Variants in CAB39 observed in about 807,000 individuals in gnomAD.
CAB39 encodes calcium binding protein 39, also known as calcium-binding protein 39.
CAB39 carries 8 observed loss-of-function variants against 40.0 expected under a neutral mutation model. The ratio of observed to expected loss-of-function variants is 0.20; its 90% CI spans 0.12 to 0.36. The LOEUF (loss-of-function observed/expected upper bound fraction) is 0.36, where lower values mean the gene tolerates loss of function less well. CAB39 is among the 10% of genes least tolerant of loss of function. The pLI, the probability that CAB39 is intolerant of heterozygous loss-of-function variation, is 1.00. For synonymous variants in CAB39, 156 were observed against 141.6 expected, an observed-to-expected ratio of 1.10 and a Z score of -0.72; for missense variants, 270 against 401.1, an observed-to-expected ratio of 0.67 and a Z score of 2.79.
chr2:230,795,737 C>T lies in CAB39; in HGVS notation c.398+2406C>T, dbSNP rs181695511. 8.5e-5 allele frequency among the ~76,000 whole-genome samples: 13 copies of T among 152,256 alleles called. No homozygotes were observed. The East Asian group carries it at 2.3e-3, about 27-fold the overall frequency. ...GATTCAGAATGGCAGTTTCCTGATT[C>T]TGTTATTTCTTCTTCATATAATTAA... On this transcript the variant is annotated intron_variant, in intron 4 of 8. Coordinates refer to ENST00000258418, the MANE Select transcript of CAB39 (RefSeq NM_016289.4).
chr2:230,766,246 T>C (rs1483159606), intron 2 of CAB39, among the ~76,000 whole-genome samples: 2 of 152,056 alleles, frequency 1.3e-5, no homozygotes, highest in Admixed American at 1.3e-4. Flanking sequence ...TTCTAATCAA[T>C]GCATAAAGAA....
Position 230,791,050 on chromosome 2 carries a change from T to G in CAB39, c.279+14T>G, listed in dbSNP as rs1303337794. ...ATTGACTTTGAGGTAAGAAATCAAT[T>G]TCTTATTTTTAAAAAACAGTACCCT... On this transcript the variant is annotated intron_variant, in intron 3 of 8. Coordinates refer to ENST00000258418, the MANE Select transcript of CAB39 (RefSeq NM_016289.4). 15 of 1,560,628 alleles carry G rather than the reference T, an allele frequency of 9.6e-6. No individual in the cohort carries two copies. The highest frequency in any genetic ancestry group is 1.3e-5 in the Non-Finnish European group (15 of 1,153,696).
chr2:230,726,925 G>A lies in CAB39; in HGVS notation c.-44+13695G>A, dbSNP rs115094832. The stretch of plus-strand genomic sequence containing the variant: ...ACAGGAATCAGGGTGCTTAGCATAC[G>A]AGATTGTATGCTGATGCCCTTTGGT... On this transcript the variant is annotated intron_variant, in intron 1 of 8. Coordinates refer to ENST00000258418, the MANE Select transcript of CAB39 (RefSeq NM_016289.4). Among the ~76,000 whole-genome samples, 1,065 of 150,206 alleles carry A rather than the reference G, an allele frequency of 7.1e-3. 13 individuals carry two copies. The highest frequency in any genetic ancestry group is 0.023 in the African/African-American group (939 of 40,746).
At chr2:230,808,976 A>G (rs1461463742) in intron 5 of CAB39, among the ~76,000 whole-genome samples, 5 of 152,246 alleles carry the variant, frequency 3.3e-5, no homozygotes, top group African/African-American at 1.2e-4. Context: ...TATGGAACTT[A>G]CAGTGTAGCA....
intron 2 of CAB39, among the ~76,000 whole-genome samples, chr2:230,786,890 T>C (rs1294514732): frequency 1.3e-5 from 2 of 152,062 alleles, no homozygotes; most frequent in African/African-American, 4.8e-5. Flanking sequence ...CCCAGAAAAA[T>C]TACATTCTGG....
intron 2 of CAB39, among the ~76,000 whole-genome samples, chr2:230,768,228 G>C (rs1695420851): frequency 6.6e-6 from 1 of 152,176 alleles, no homozygotes; most frequent in South Asian, 2.1e-4. Flanking sequence ...TTGAATTTGT[G>C]ACTGAGGAGA....
Position 230,762,054 on chromosome 2 carries a change from C to T in CAB39, c.114+1939C>T, listed in dbSNP as rs980957996. ...TCCAGAGTAGCTGGGACTACAGGTGCGTACCACCATGTCCGGCTAATTTTT... is the reference window on the plus strand; with the variant it reads ...TCCAGAGTAGCTGGGACTACAGGTGTGTACCACCATGTCCGGCTAATTTTT... On this transcript the variant is annotated intron_variant, in intron 2 of 8. Coordinates refer to ENST00000258418, the MANE Select transcript of CAB39 (RefSeq NM_016289.4). Among the ~76,000 whole-genome samples the T allele has an allele frequency of 3.9e-5, 6 of 151,988 alleles. No individual in the cohort carries two copies. The South Asian group carries it at 1.0e-3, about 26-fold the overall frequency.
chr2:230,718,241 A>G (rs773082689), intron 1 of CAB39, among the ~76,000 whole-genome samples: 19 of 152,208 alleles, frequency 1.2e-4, no homozygotes, highest in Non-Finnish European at 1.5e-4. Context: ...CAAAACATAC[A>G]TTGTGTATCT....
chr2:230,750,111 A>G (rs920324769), intron 1 of CAB39, among the ~76,000 whole-genome samples: 1 of 152,260 alleles, frequency 6.6e-6, no homozygotes. Flanking sequence ...ATAATAGTTC[A>G]TTCTACAAAT....
chr2:230,786,830 C>T (rs1695802826), intron 2 of CAB39, among the ~76,000 whole-genome samples: 1 of 152,160 alleles, frequency 6.6e-6, no homozygotes, highest in Non-Finnish European at 1.5e-5. Flanking sequence ...CCAATACATG[C>T]AGATAGATTG....
intron 2 of CAB39, among the ~76,000 whole-genome samples, chr2:230,775,670 A>G (rs1575938125): frequency 6.6e-6 from 1 of 151,328 alleles, no homozygotes; most frequent in Non-Finnish European, 1.5e-5. Flanking sequence ...ATGACTTAAC[A>G]GTGGTGCGCA....
At chr2:230,724,740 C>A (rs1352037792) in intron 1 of CAB39, among the ~76,000 whole-genome samples, 1 of 145,730 alleles carries the variant, frequency 6.9e-6, no homozygotes, top group Non-Finnish European at 1.5e-5. Flanking sequence ...GAGTAGTTTA[C>A]CTCGTTTAAT....
At chr2:230,727,398 G>GTGTGTGTGTGTGTGTGTGTGTT (rs760656084) in intron 1 of CAB39, among the ~76,000 whole-genome samples, 4 of 124,598 alleles carry the variant, frequency 3.2e-5, no homozygotes, top group African/African-American at 8.8e-5. Flanking sequence ...GTGTGTGTGT[G>GTGTGTGTGTGTGTGTGTGTGTT]TATTTTTTTT....
rs1406339852 is a variant in CAB39 at position 230,818,770 on chromosome 2, C to T, written c.*66C>T. The stretch of plus-strand genomic sequence containing the variant: ...GCTGTTAGCTATTCAGCATCAGGCA[C>T]TCTTATTGATTCATGAGGAACATTA... On this transcript the variant is annotated 3_prime_UTR_variant, in exon 9 of 9. Coordinates refer to ENST00000258418, the MANE Select transcript of CAB39 (RefSeq NM_016289.4). The T allele has an allele frequency of 2.4e-6, 3 of 1,246,186 alleles. No individual in the cohort carries two copies. The highest frequency in any genetic ancestry group is 3.5e-6 in the Non-Finnish European group (3 of 868,086). The allele number at this position is 1,246,186 out of a possible 1,614,324, so 77.2% of individuals were successfully genotyped here. A position where few individuals can be genotyped will look rare whatever the true frequency, so the allele number is the denominator to read the frequency against.
At chr2:230,806,239 A>G (rs1196591645) in intron 5 of CAB39, among the ~76,000 whole-genome samples, 1 of 152,166 alleles carries the variant, frequency 6.6e-6, no homozygotes, top group African/African-American at 2.4e-5. Flanking sequence ...AGAGATTTTG[A>G]TTGAAATCAG....
chr2:230,744,595 A>G (rs1694941453), intron 1 of CAB39, among the ~76,000 whole-genome samples: 1 of 152,222 alleles, frequency 6.6e-6, no homozygotes, highest in Admixed American at 6.5e-5. Context: ...CCTGGCCTCC[A>G]ACCATATTTT....
intron 1 of CAB39, among the ~76,000 whole-genome samples, chr2:230,751,456 C>G (rs1387555227): frequency 6.6e-6 from 1 of 152,138 alleles, no homozygotes; most frequent in Admixed American, 6.6e-5. Context: ...GCTTATGGAC[C>G]TTTTGACTTA....
At chr2:230,757,065 G>A (rs548059975) in intron 1 of CAB39, among the ~76,000 whole-genome samples, 4 of 152,056 alleles carry the variant, frequency 2.6e-5, no homozygotes, top group Non-Finnish European at 4.4e-5. Flanking sequence ...TCCTACTGAG[G>A]AATGTCACTT....
intron 1 of CAB39, among the ~76,000 whole-genome samples, chr2:230,729,931 GA>G (rs1010224883): frequency 6.6e-6 from 1 of 151,930 alleles, no homozygotes; most frequent in East Asian, 1.9e-4. Context: ...AAATTTAAGT[GA>G]AAAAAGACTT....
Sources: allele counts gnomAD v4.1 joint callset (sites outside exome capture counted in the v4.1 genomes callset), GRCh38; gene constraint gnomAD v4.1.1; transcripts MANE v1.5; gene names NCBI Gene and HGNC (gene_info 2026-07-23, HGNC 2026-07-21).